Variants in OSBP2 observed in about 807,000 individuals in gnomAD.
The protein encoded by OSBP2 is oxysterol-binding protein 2.
Under a neutral mutation model 96.0 loss-of-function variants are expected in OSBP2, and 66 were observed. The observed-to-expected ratio is 0.69, with a 90% CI of 0.56 to 0.84. The LOEUF is 0.84. Among genes scored for constraint, OSBP2 ranks in the 40% least tolerant of loss-of-function variants. The probability of loss-of-function intolerance (pLI) is 0.00; values close to 1 mark genes in which losing one functional copy is unlikely to be tolerated. For synonymous variants in OSBP2, 525 were observed against 520.9 expected (o/e 1.01, Z -0.11); for missense variants, 1,038 against 1,222.7 (o/e 0.85, Z 2.25).
At chr22:30,812,551 CAT>C (rs775792457) in intron 2 of OSBP2, among the ~76,000 whole-genome samples, 15 of 152,224 alleles carry the variant, frequency 9.9e-5, no homozygotes, top group African/African-American at 1.9e-4. Flanking sequence ...AGATTCTTCA[CAT>C]GTTGTTACTA....
intron 2 of OSBP2, among the ~76,000 whole-genome samples, chr22:30,825,897 G>A (rs1246742619): frequency 6.6e-6 from 1 of 152,168 alleles, no homozygotes; most frequent in African/African-American, 2.4e-5. Context: ...ACTTGCAGCT[G>A]ACTGGGTGAT....
At chr22:30,722,357 A>T (rs1271130703) in intron 1 of OSBP2, among the ~76,000 whole-genome samples, 1 of 152,202 alleles carries the variant, frequency 6.6e-6, no homozygotes, top group Non-Finnish European at 1.5e-5. Context: ...CCCAGTGTCA[A>T]CAAGTCTCAC....
At chr22:30,894,144 A>G in intron 12 of OSBP2, 143 bp downstream of exon 12, 1 of 652,536 alleles carries the variant, frequency 1.5e-6, no homozygotes, top group South Asian at 1.9e-5. Context: ...CCGACATCCC[A>G]GTGTGAAGGC....
chr22:30,792,795 G>A (rs146777577), intron 2 of OSBP2, among the ~76,000 whole-genome samples: 37 of 152,280 alleles, frequency 2.4e-4, no homozygotes, highest in African/African-American at 8.9e-4. Flanking sequence ...AGCACTGTGA[G>A]GGCCACAGTC....
intron 1 of OSBP2, among the ~76,000 whole-genome samples, chr22:30,703,823 C>T (rs550217967): frequency 2.0e-5 from 3 of 152,122 alleles, no homozygotes; most frequent in African/African-American, 7.2e-5. Context: ...TGATGGCTTG[C>T]CTTGCACTGT....
upstream of OSBP2, chr22:30,694,834 C>T (rs1345331596): frequency 4.8e-6 from 3 of 619,514 alleles, no homozygotes; most frequent in African/African-American, 2.0e-5. Context: ...GCGCACGTGA[C>T]TGCGCCCCCG....
intron 1 of OSBP2, among the ~76,000 whole-genome samples, chr22:30,734,371 G>A (rs1264411617): frequency 1.3e-5 from 2 of 152,192 alleles, no homozygotes; most frequent in Non-Finnish European, 2.9e-5. Flanking sequence ...AGACCAGATG[G>A]TTCTGGAATA....
intron 1 of OSBP2, among the ~76,000 whole-genome samples, chr22:30,726,315 G>A (rs187621887): frequency 3.9e-5 from 6 of 152,308 alleles, no homozygotes; most frequent in Admixed American, 3.9e-4. Flanking sequence ...AGAAAAGAAT[G>A]AGTTCATGTC....
intron 3 of OSBP2, among the ~76,000 whole-genome samples, chr22:30,882,125 C>A (rs2039716106): frequency 6.6e-6 from 1 of 152,168 alleles, no homozygotes; most frequent in Non-Finnish European, 1.5e-5. Flanking sequence ...AGCCAGCAAC[C>A]CTGGCTGTGT....
chr22:30,825,292 A>G (rs2038374516), intron 2 of OSBP2, among the ~76,000 whole-genome samples: 2 of 152,336 alleles, frequency 1.3e-5, no homozygotes, highest in African/African-American at 2.4e-5. Context: ...GTTCGAGACC[A>G]GCCTGGCCAA....
intron 2 of OSBP2, among the ~76,000 whole-genome samples, chr22:30,783,252 C>T (rs183638891): frequency 3.5e-5 from 5 of 144,156 alleles, no homozygotes; most frequent in Middle Eastern, 3.8e-3. Context: ...TTTCATTCCC[C>T]GAAGACATAA....
intron 1 of OSBP2, among the ~76,000 whole-genome samples, chr22:30,712,601 A>G (rs1373635169): frequency 1.3e-5 from 2 of 151,860 alleles, no homozygotes; most frequent in East Asian, 1.9e-4. Flanking sequence ...GATCTACTTC[A>G]TCACACTTCC....
At chr22:30,891,819 T>G (rs2039954439) in intron 8 of OSBP2, among the ~76,000 whole-genome samples, 1 of 152,168 alleles carries the variant, frequency 6.6e-6, no homozygotes, top group Non-Finnish European at 1.5e-5. Flanking sequence ...GCCCTCGACA[T>G]GCCAGGTGCT....
At chr22:30,751,859 G>A (rs1376526303) in intron 2 of OSBP2, among the ~76,000 whole-genome samples, 1 of 152,162 alleles carries the variant, frequency 6.6e-6, no homozygotes, top group Non-Finnish European at 1.5e-5. Flanking sequence ...CCAAAATGAG[G>A]CTCAGCAGCC....
At chr22:30,738,281 A>G (rs2089885545) in intron 1 of OSBP2, among the ~76,000 whole-genome samples, 1 of 151,466 alleles carries the variant, frequency 6.6e-6, no homozygotes, top group Admixed American at 6.6e-5. Flanking sequence ...TCCCCCTCTT[A>G]TTTCTGAGCT....
intron 12 of OSBP2, chr22:30,902,140 C>CAAAAAAAAAAAAAAAAAAAAAAA (rs1239083048): frequency 3.9e-6 from 1 of 253,948 alleles, no homozygotes; most frequent in Non-Finnish European, 6.9e-6. Context: ...AAAAAAAAAC[C>CAAAAAAAAAAAAAAAAAAAAAAA]AAAAAAAAAA....
intron 2 of OSBP2, among the ~76,000 whole-genome samples, chr22:30,768,969 A>T (rs1382731561): frequency 2.6e-5 from 4 of 152,252 alleles, no homozygotes; most frequent in African/African-American, 7.2e-5. Flanking sequence ...TCCAGACCGG[A>T]TGCCTGACCT....
intron 1 of OSBP2, among the ~76,000 whole-genome samples, chr22:30,735,617 C>CT (rs136358): frequency 0.1 from 15,792 of 151,866 alleles, 914 homozygotes; most frequent in Middle Eastern, 0.15. Flanking sequence ...CAGCCTATCC[C>CT]CCTTTTACTG....
rs116935001 is a variant in OSBP2 at position 30,847,958 on chromosome 22, T to A, written c.854-22471T>A. Among the ~76,000 whole-genome samples the A allele has an allele frequency of 4.5e-3, 683 of 152,294 alleles. 14 individuals are homozygous for A. Among genetic ancestry groups the A allele is most frequent in the South Asian group, 2.9e-3 (14 of 4,820 alleles). On this transcript the variant is annotated intron_variant, in intron 2 of 13. Coordinates refer to ENST00000332585, the MANE Select transcript of OSBP2 (RefSeq NM_030758.4). The stretch of plus-strand genomic sequence containing the variant: ...TTATTATTTTTATATACTGTTTTTC[T>A]TATACATTCTTTTAAAACACATATA...
Sources: allele counts gnomAD v4.1 joint callset (sites outside exome capture counted in the v4.1 genomes callset), GRCh38; gene constraint gnomAD v4.1.1; transcripts MANE v1.5; gene names NCBI Gene and HGNC (gene_info 2026-07-23, HGNC 2026-07-21).